The following LHPP variants were observed in gnomAD, a reference collection of about 807,000 sequenced individuals.
The protein encoded by LHPP is phospholysine phosphohistidine inorganic pyrophosphate phosphatase.
LHPP carries 24 observed loss-of-function variants against 30.3 expected under a neutral mutation model. The ratio of observed to expected loss-of-function variants is 0.79; its 90% confidence interval spans 0.57 to 1.11. LHPP has a LOEUF of 1.11. Ranked by LOEUF, LHPP falls within the 50% of genes most tolerant of loss-of-function variation. The probability of loss-of-function intolerance (pLI) is 0.00; values close to 1 mark genes in which losing one functional copy is unlikely to be tolerated. For synonymous variants in LHPP, 150 were observed against 157.1 expected (o/e 0.95, Z 0.34); for missense variants, 356 against 367.2 (o/e 0.97, Z 0.25).
chr10:124,600,148 G>A (rs1232521182), intron 6 of LHPP, among the ~76,000 whole-genome samples: 1 of 152,234 alleles, frequency 6.6e-6, no homozygotes, highest in Non-Finnish European at 1.5e-5. Flanking sequence ...AGGCCCCCCT[G>A]TGGGCCACAT....
chr10:124,534,617 C>G (rs1315669918), intron 6 of LHPP, among the ~76,000 whole-genome samples: 1 of 152,244 alleles, frequency 6.6e-6, no homozygotes, highest in African/African-American at 2.4e-5. Context: ...CGTGAGGGGC[C>G]TTGCAGGAAG....
At chr10:124,490,378 A>T in intron 3 of LHPP, 1 of 325,350 alleles carries the variant, frequency 3.1e-6, no homozygotes. Context: ...GTGAGGTACC[A>T]GTAGAAATGT....
chr10:124,511,429 G>C (rs185268529), intron 5 of LHPP, among the ~76,000 whole-genome samples: 1 of 152,204 alleles, frequency 6.6e-6, no homozygotes, highest in Non-Finnish European at 1.5e-5. Flanking sequence ...GAGAAAATCC[G>C]TGGAAAGTAT....
chr10:124,579,431 G>T (rs889167076), intron 6 of LHPP, among the ~76,000 whole-genome samples: 22 of 152,212 alleles, frequency 1.4e-4, no homozygotes, highest in African/African-American at 5.3e-4. Context: ...TTCAGTGTTG[G>T]CCAGGAAGGA....
intron 5 of LHPP, among the ~76,000 whole-genome samples, chr10:124,505,823 G>C (rs1954045350): frequency 6.6e-6 from 1 of 152,162 alleles, no homozygotes; most frequent in South Asian, 2.1e-4. Flanking sequence ...GTTCAAACCA[G>C]AGCACTTAGT....
chr10:124,489,645 G>T (rs1452670315), intron 3 of LHPP, among the ~76,000 whole-genome samples: 1 of 151,972 alleles, frequency 6.6e-6, no homozygotes, highest in Admixed American at 6.6e-5. Context: ...GTAGAGGCGG[G>T]GTTTCACCAT....
At chr10:124,558,839 C>T (rs924040880) in intron 6 of LHPP, among the ~76,000 whole-genome samples, 2 of 152,264 alleles carry the variant, frequency 1.3e-5, no homozygotes, top group South Asian at 2.1e-4. Flanking sequence ...CATATGCATT[C>T]CCATGCGTAG....
At chr10:124,613,044 G>A (rs1949222071) in intron 6 of LHPP, 1 of 584,640 alleles carries the variant, frequency 1.7e-6, no homozygotes, top group East Asian at 2.8e-5. Context: ...ACAGGTTTGG[G>A]GAGGTGTCCA....
chr10:124,595,359 G>C (rs1294609803), intron 6 of LHPP, among the ~76,000 whole-genome samples: 1 of 152,252 alleles, frequency 6.6e-6, no homozygotes, highest in Admixed American at 6.5e-5. Context: ...CCACACAGCA[G>C]GCACCTCAGA....
At position 124,590,384 on chromosome 10, in the gene LHPP, C is replaced by T. The variant is rs745903457; in HGVS notation, c.717-22880C>T. On this transcript the variant is annotated intron_variant, in intron 6 of 6. Transcript: ENST00000368842. This position sits in a 1 kb window ranked among gnomAD's most constrained non-coding sequence, Gnocchi z 4.3. Reference sequence around the variant, plus strand: ...TTTCTTGGGCTCTGAAGGCGCCTCTCATCCTCTGAGCCAAGAAGACTTCTG... The same window carrying T: ...TTTCTTGGGCTCTGAAGGCGCCTCTTATCCTCTGAGCCAAGAAGACTTCTG... Among the ~76,000 whole-genome samples, 3 of 152,206 alleles carry T rather than the reference C, an allele frequency of 2.0e-5. No homozygotes were observed.
intron 6 of LHPP, among the ~76,000 whole-genome samples, chr10:124,608,019 G>A (rs1451012912): frequency 6.6e-6 from 1 of 152,218 alleles, no homozygotes; most frequent in Non-Finnish European, 1.5e-5. Context: ...CCAGGGAATA[G>A]AAGCGTTGCA....
chr10:124,533,185 G>C (rs1342549876), intron 6 of LHPP, among the ~76,000 whole-genome samples: 1 of 152,204 alleles, frequency 6.6e-6, no homozygotes, highest in African/African-American at 2.4e-5. Context: ...ATATTCCTGA[G>C]GGCAGATTCA....
intron 6 of LHPP, among the ~76,000 whole-genome samples, chr10:124,567,280 A>G (rs1464912519): frequency 6.6e-6 from 1 of 152,248 alleles, no homozygotes; most frequent in Non-Finnish European, 1.5e-5. Flanking sequence ...TGGGCAGAGC[A>G]AACTGATGAG....
At chr10:124,513,461 A>AT (rs1564802648) in intron 5 of LHPP, among the ~76,000 whole-genome samples, 3 of 69,828 alleles carry the variant, frequency 4.3e-5, no homozygotes, top group Admixed American at 4.1e-4. Flanking sequence ...AATTATTATT[A>AT]CTTTTTTTTT....
intron 6 of LHPP, among the ~76,000 whole-genome samples, chr10:124,518,477 A>G (rs1275232126): frequency 1.3e-5 from 2 of 152,186 alleles, no homozygotes; most frequent in Non-Finnish European, 2.9e-5. Flanking sequence ...TCGGGGCCCT[A>G]TAGTTGATGC....
At chr10:124,494,482 C>T (rs2133867889) in intron 3 of LHPP, among the ~76,000 whole-genome samples, 1 of 152,338 alleles carries the variant, frequency 6.6e-6, no homozygotes, top group East Asian at 1.9e-4. Flanking sequence ...TCCTGGCTTA[C>T]TTCCACACAT....
chr10:124,552,337 A>G (rs1397832289), intron 6 of LHPP, among the ~76,000 whole-genome samples: 1 of 152,084 alleles, frequency 6.6e-6, no homozygotes, highest in Non-Finnish European at 1.5e-5. Context: ...CAGGCCCTGA[A>G]TCCAGGCAAC....
At chr10:124,563,193 T>G (rs993757910) in intron 6 of LHPP, among the ~76,000 whole-genome samples, 1 of 152,154 alleles carries the variant, frequency 6.6e-6, no homozygotes, top group African/African-American at 2.4e-5. Flanking sequence ...GCAGTTTTAT[T>G]GATAATAGCC....
In LHPP at chr10:124,510,779, G is replaced by T. The variant is rs1954277839; in HGVS notation, c.625-6401G>T. On this transcript the variant is annotated intron_variant, in intron 5 of 6. Coordinates refer to ENST00000368842, the MANE Select transcript of LHPP (RefSeq NM_022126.4). This position sits in a 1 kb window ranked among gnomAD's most constrained non-coding sequence, Gnocchi z 4.0. ...GGAGTCTCTGGCAGCAGTGGACATG[G>T]TCCTGAATTGGAGTGCTGTGAATGT... Among the ~76,000 whole-genome samples, 1 of 152,248 alleles carries T rather than the reference G, an allele frequency of 6.6e-6. No individual in the cohort carries two copies. Among genetic ancestry groups the T allele is most frequent in the East Asian group, 1.9e-4 (1 of 5,200 alleles).
Sources: allele counts gnomAD v4.1 joint callset (sites outside exome capture counted in the v4.1 genomes callset), GRCh38; gene constraint gnomAD v4.1.1; non-coding constraint Gnocchi (gnomAD v3.1); transcripts MANE v1.5; gene names NCBI Gene and HGNC (gene_info 2026-07-23, HGNC 2026-07-21).